The following ARHGAP28 variants were observed in gnomAD, a reference collection of about 807,000 sequenced individuals.
ARHGAP28 encodes Rho GTPase activating protein 28.
A neutral mutation model predicts 90.7 loss-of-function variants in ARHGAP28; 56 were observed. The observed-to-expected ratio is 0.62, with a 90% CI of 0.50 to 0.77. The LOEUF is 0.77. ARHGAP28 is among the 30% of genes least tolerant of loss of function. The pLI is 0.00. For synonymous variants in ARHGAP28, 308 were observed against 323.3 expected, an observed-to-expected ratio of 0.95 and a Z score of 0.51; for missense variants, 869 against 900.9, an observed-to-expected ratio of 0.96 and a Z score of 0.45.
At chr18:6,841,176 C>CCTCTT (rs2056813295) in intron 3 of ARHGAP28, among the ~76,000 whole-genome samples, 1 of 75,264 alleles carries the variant, frequency 1.3e-5, no homozygotes, top group Non-Finnish European at 2.6e-5. Flanking sequence ...TCCTCTCTCT[C>CCTCTT]TCTCCTCTCT....
chr18:6,835,209 T>C (rs1182158800), intron 2 of ARHGAP28, among the ~76,000 whole-genome samples: 2 of 152,200 alleles, frequency 1.3e-5, no homozygotes, highest in Non-Finnish European at 2.9e-5. Flanking sequence ...TTCCTCCCAC[T>C]CTTTCATTAC....
chr18:6,810,731 A>G (rs1253507431), intron 1 of ARHGAP28, among the ~76,000 whole-genome samples: 3 of 152,156 alleles, frequency 2.0e-5, no homozygotes, highest in African/African-American at 7.2e-5. Context: ...TATATAGAGT[A>G]TGAAGAGCTG....
At chr18:6,782,590 G>GTTTTTTTTTTTT (rs1567945690) in intron 1 of ARHGAP28, among the ~76,000 whole-genome samples, 1 of 20,924 alleles carries the variant, frequency 4.8e-5, no homozygotes, top group African/African-American at 1.2e-4. Context: ...GCTAATTTTT[G>GTTTTTTTTTTTT]TATTTTTTTT....
chr18:6,806,183 C>T (rs1217834488), intron 1 of ARHGAP28, among the ~76,000 whole-genome samples: 1 of 152,146 alleles, frequency 6.6e-6, no homozygotes, highest in East Asian at 1.9e-4. Context: ...TGTGAGCCAC[C>T]GTGCCTGACT....
At chr18:6,906,630 C>T (rs2057366129) in intron 16 of ARHGAP28, among the ~76,000 whole-genome samples, 2 of 152,156 alleles carry the variant, frequency 1.3e-5, no homozygotes, top group Admixed American at 1.3e-4. Context: ...CAAAAATTAA[C>T]TCGAAATGGA....
chr18:6,776,920 G>T (rs987856173), intron 1 of ARHGAP28, among the ~76,000 whole-genome samples: 3 of 152,136 alleles, frequency 2.0e-5, no homozygotes, highest in Non-Finnish European at 2.9e-5. Flanking sequence ...GATTGGAGGG[G>T]GGATAGCGGT....
intron 2 of ARHGAP28, among the ~76,000 whole-genome samples, chr18:6,825,396 TGAA>T (rs2056654861): frequency 6.6e-6 from 1 of 152,228 alleles, no homozygotes; most frequent in Non-Finnish European, 1.5e-5. Context: ...AGTATAATTG[TGAA>T]GAAGAAAAAT....
At chr18:6,746,813 AAG>A in intron 1 of ARHGAP28, among the ~76,000 whole-genome samples, 1 of 152,298 alleles carries the variant, frequency 6.6e-6, no homozygotes, top group South Asian at 2.1e-4. Flanking sequence ...GAGAAAGAGA[AAG>A]AGAGAGAAAC....
intron 3 of ARHGAP28, 145 bp downstream of exon 3, chr18:6,837,559 A>G (rs2056764041): frequency 3.1e-6 from 2 of 642,540 alleles, no homozygotes; most frequent in African/African-American, 3.7e-5. Context: ...CAGACAGCAC[A>G]GTGCAAATTT....
At chr18:6,806,718 T>G (rs963391740) in intron 1 of ARHGAP28, among the ~76,000 whole-genome samples, 2 of 152,154 alleles carry the variant, frequency 1.3e-5, no homozygotes, top group Non-Finnish European at 2.9e-5. Context: ...CTCTTCATTC[T>G]CATTATAGAT....
chr18:6,733,530 T>C (rs979291947), intron 1 of ARHGAP28, among the ~76,000 whole-genome samples: 1 of 152,182 alleles, frequency 6.6e-6, no homozygotes, highest in African/African-American at 2.4e-5. Flanking sequence ...ATTAATTCTA[T>C]TTTCTCATAC....
At chr18:6,806,576 CCTT>C (rs2056520847) in intron 1 of ARHGAP28, among the ~76,000 whole-genome samples, 3 of 151,912 alleles carry the variant, frequency 2.0e-5, no homozygotes, top group Non-Finnish European at 4.4e-5. Context: ...TTCTGTATCT[CCTT>C]CTCCCTTGCA....
At chr18:6,894,960 A>G (rs912854843) in intron 15 of ARHGAP28, 69 bp downstream of exon 15, 2 of 1,395,290 alleles carry the variant, frequency 1.4e-6, no homozygotes, top group South Asian at 1.2e-5. Flanking sequence ...CATCCACCAC[A>G]TTTATGTATA....
At chr18:6,792,606 T>C (rs1031588931) in intron 1 of ARHGAP28, among the ~76,000 whole-genome samples, 3 of 152,050 alleles carry the variant, frequency 2.0e-5, no homozygotes, top group Non-Finnish European at 2.9e-5. Flanking sequence ...TCCTATGGAG[T>C]GATACAGTGC....
intron 2 of ARHGAP28, among the ~76,000 whole-genome samples, chr18:6,830,019 GC>G (rs1407959376): frequency 6.6e-6 from 1 of 152,102 alleles, no homozygotes; most frequent in Non-Finnish European, 1.5e-5. Context: ...ACCACATTGT[GC>G]CATTTTCTGT....
At chr18:6,762,027 C>A (rs1381717241) in intron 1 of ARHGAP28, among the ~76,000 whole-genome samples, 1 of 152,182 alleles carries the variant, frequency 6.6e-6, no homozygotes, top group Admixed American at 6.5e-5. Flanking sequence ...CTCTGCTCAC[C>A]ATTATTTACC....
intron 3 of ARHGAP28, among the ~76,000 whole-genome samples, chr18:6,839,548 C>T (rs942993420): frequency 2.6e-5 from 4 of 152,278 alleles, no homozygotes; most frequent in South Asian, 2.1e-4. Flanking sequence ...CCGCCTGCCT[C>T]GGCCTCCCAA....
At chr18:6,900,363 A>G (rs1311763778) in intron 16 of ARHGAP28, among the ~76,000 whole-genome samples, 1 of 152,252 alleles carries the variant, frequency 6.6e-6, no homozygotes, top group Admixed American at 6.5e-5. Context: ...TTTTCTGACA[A>G]GAATTTTATA....
At chr18:6,854,307 G>T (rs1283405391) in intron 4 of ARHGAP28, among the ~76,000 whole-genome samples, 1 of 151,810 alleles carries the variant, frequency 6.6e-6, no homozygotes, top group Non-Finnish European at 1.5e-5. Flanking sequence ...CTAGGTTTTT[G>T]TGTTTGTTCT....
Sources: allele counts gnomAD v4.1 joint callset (sites outside exome capture counted in the v4.1 genomes callset), GRCh38; gene constraint gnomAD v4.1.1; transcripts MANE v1.5; gene names NCBI Gene and HGNC (gene_info 2026-07-23, HGNC 2026-07-21).